Variants in DLG2 observed in about 807,000 individuals in gnomAD.
The protein encoded by DLG2 is discs large MAGUK scaffold protein 2.
In DLG2, 45 loss-of-function variants were observed where a neutral mutation model predicts 132.5. The ratio of observed to expected loss-of-function variants is 0.34; its 90% confidence interval spans 0.27 to 0.44. The LOEUF (loss-of-function observed/expected upper bound fraction) is 0.44, where lower values mean the gene tolerates loss of function less well. DLG2 is among the 20% of genes least tolerant of loss of function. DLG2 has a pLI of 1.00. For synonymous variants in DLG2, 424 were observed against 419.6 expected (o/e 1.01, Z -0.13); for missense variants, 1,045 against 1,196.9 (o/e 0.87, Z 1.87).
At chr11:83,507,776 A>G (rs1322984026) in intron 21 of DLG2, among the ~76,000 whole-genome samples, 1 of 84,506 alleles carries the variant, frequency 1.2e-5, no homozygotes, top group Admixed American at 1.1e-4. Flanking sequence ...ATATATATAT[A>G]TATATATATA....
At chr11:85,589,308 C>A (rs573472735) in intron 3 of DLG2, among the ~76,000 whole-genome samples, 1 of 152,246 alleles carries the variant, frequency 6.6e-6, no homozygotes, top group East Asian at 1.9e-4. Flanking sequence ...AGACTACAGG[C>A]AGAAGGTGGT....
chr11:84,897,825 A>G (rs1394672462), intron 6 of DLG2, among the ~76,000 whole-genome samples: 2 of 151,910 alleles, frequency 1.3e-5, no homozygotes, highest in African/African-American at 2.4e-5. Flanking sequence ...GTAATTTAAC[A>G]CTTACTGGAT....
chr11:85,501,726 C>A (rs563699280), intron 3 of DLG2, among the ~76,000 whole-genome samples: 1 of 152,122 alleles, frequency 6.6e-6, no homozygotes, highest in Non-Finnish European at 1.5e-5. Context: ...TAGATACCAT[C>A]TCACACCAGT....
chr11:83,632,978 C>T, intron 19 of DLG2: 1 of 493,488 alleles, frequency 2.0e-6, no homozygotes, highest in Middle Eastern at 5.4e-4. Context: ...GCATTTTATC[C>T]TGAATCATAA....
intron 8 of DLG2, among the ~76,000 whole-genome samples, chr11:84,205,267 A>T (rs980697839): frequency 9.8e-5 from 15 of 152,330 alleles, no homozygotes; most frequent in Middle Eastern, 3.4e-3. Flanking sequence ...AACTAAAGGG[A>T]AGTATAGACA....
intron 7 of DLG2, among the ~76,000 whole-genome samples, chr11:84,518,687 A>G (rs2099281379): frequency 6.6e-6 from 1 of 152,226 alleles, no homozygotes; most frequent in South Asian, 2.1e-4. Flanking sequence ...TAAATTGCTG[A>G]GATTTTTCCC....
At chr11:85,122,297 T>C (rs1299488035) in intron 5 of DLG2, among the ~76,000 whole-genome samples, 1 of 152,200 alleles carries the variant, frequency 6.6e-6, no homozygotes, top group African/African-American at 2.4e-5. Context: ...AGGAAAGTAC[T>C]TAAAGAGAAA....
Position 84,357,007 on chromosome 11 carries a change from A to C in DLG2, c.520-105716T>G, listed in dbSNP as rs546393497. On this transcript the variant is annotated intron_variant, in intron 7 of 27. Transcript: ENST00000376104. ...GAATGAGTAAGAGAGTTGCACGATG[A>C]GAAATGAGTGAGCAAAGAATGTAGG... 7.2e-5 allele frequency among the ~76,000 whole-genome samples: 11 copies of C among 152,144 alleles called. No homozygotes were observed. The South Asian group carries it at 1.2e-3, about 17-fold the overall frequency.
Position 84,159,095 on chromosome 11 carries a change from G to A in DLG2, c.624+4366C>T, listed in dbSNP as rs544433875. 2.4e-4 allele frequency among the ~76,000 whole-genome samples: 36 copies of A among 152,240 alleles called. No homozygotes were observed. In the East Asian group the frequency reaches 4.4e-3, roughly 19 times the overall value. On this transcript the variant is annotated intron_variant, in intron 9 of 27. Coordinates refer to ENST00000376104, the MANE Select transcript of DLG2 (RefSeq NM_001142699.3). ...CCTGGATTCAAACCAGGCCATGTGC[G>A]TCTATGTTACTGTCCTTCCAGTAAT...
rs1289679871 is a variant in DLG2 at position 83,456,170 on chromosome 11, G to A, written c.*3648C>T. 2 of 152,714 alleles carry A rather than the reference G, an allele frequency of 1.3e-5. No homozygotes were observed. Among genetic ancestry groups the A allele is most frequent in the Admixed American group, 6.5e-5 (1 of 15,286 alleles). The allele number at this position is 152,714 out of a possible 1,614,324, so 9.5% of individuals were successfully genotyped here. A position where few individuals can be genotyped will look rare whatever the true frequency, so the allele number is the denominator to read the frequency against. Reference sequence around the variant, plus strand: ...GAGTCTGCCTTTATTGAAAGAAAATGTCCTCAGAGCCATGCGGTAGTGCTG... The same window carrying A: ...GAGTCTGCCTTTATTGAAAGAAAATATCCTCAGAGCCATGCGGTAGTGCTG... On this transcript the variant is annotated 3_prime_UTR_variant, in exon 28 of 28. Coordinates refer to ENST00000376104, the MANE Select transcript of DLG2 (RefSeq NM_001142699.3).
At chr11:83,750,163 T>A (rs1176281111) in intron 18 of DLG2, among the ~76,000 whole-genome samples, 13 of 152,140 alleles carry the variant, frequency 8.5e-5, no homozygotes, top group Non-Finnish European at 4.4e-5. Flanking sequence ...CCCCCAAGAT[T>A]CCCATCTGAA....
chr11:85,243,998 GA>G (rs1346040954), intron 4 of DLG2, among the ~76,000 whole-genome samples: 1 of 151,780 alleles, frequency 6.6e-6, no homozygotes, highest in Non-Finnish European at 1.5e-5. Context: ...AAGTTTCAAT[GA>G]AAAAAATATA....
At chr11:84,600,487 G>A (rs1043764332) in intron 6 of DLG2, among the ~76,000 whole-genome samples, 7 of 152,030 alleles carry the variant, frequency 4.6e-5, no homozygotes, top group Admixed American at 4.6e-4. Context: ...AGAAATATTC[G>A]ACAGATTATT....
chr11:85,157,618 C>T (rs944256500), intron 4 of DLG2, among the ~76,000 whole-genome samples: 1 of 152,140 alleles, frequency 6.6e-6, no homozygotes, highest in African/African-American at 2.4e-5. Flanking sequence ...ATGATGAAAT[C>T]AGGGATTCTA....
chr11:85,185,903 G>A (rs2080060142), intron 4 of DLG2, among the ~76,000 whole-genome samples: 1 of 151,904 alleles, frequency 6.6e-6, no homozygotes. Context: ...CTATTTCATA[G>A]GTAAGGGAAA....
chr11:83,857,740 T>A (rs2060773074), intron 16 of DLG2, among the ~76,000 whole-genome samples: 1 of 151,850 alleles, frequency 6.6e-6, no homozygotes, highest in Admixed American at 6.6e-5. Context: ...ACTTCTCTGG[T>A]GGAGGATGTT....
At chr11:85,217,016 C>G (rs1390476282) in intron 4 of DLG2, among the ~76,000 whole-genome samples, 1 of 152,010 alleles carries the variant, frequency 6.6e-6, no homozygotes, top group Non-Finnish European at 1.5e-5. Context: ...TATAATAATT[C>G]ACATTTGTAT....
intron 6 of DLG2, among the ~76,000 whole-genome samples, chr11:84,539,618 T>C (rs927431250): frequency 6.6e-6 from 1 of 152,186 alleles, no homozygotes; most frequent in Non-Finnish European, 1.5e-5. Context: ...GGTAGCTTGA[T>C]GGGGATGGCA....
intron 7 of DLG2, among the ~76,000 whole-genome samples, chr11:84,378,301 T>A (rs1038241654): frequency 2.0e-5 from 3 of 152,080 alleles, no homozygotes; most frequent in Admixed American, 2.0e-4. Flanking sequence ...CAAGGAAAGG[T>A]CATATGAGGA....
Sources: allele counts gnomAD v4.1 joint callset (sites outside exome capture counted in the v4.1 genomes callset), GRCh38; gene constraint gnomAD v4.1.1; transcripts MANE v1.5; gene names NCBI Gene and HGNC (gene_info 2026-07-23, HGNC 2026-07-21).